CDC42BPB: variants seen among roughly 807,000 people sequenced by gnomAD.
The protein encoded by CDC42BPB is CDC42 binding protein kinase beta, also known as serine/threonine-protein kinase MRCK beta.
CDC42BPB carries 37 observed loss-of-function variants against 214.9 expected under a neutral mutation model. That is an observed-to-expected ratio of 0.17 (90% CI 0.13 to 0.23). The LOEUF (loss-of-function observed/expected upper bound fraction) is 0.23, where lower values mean the gene tolerates loss of function less well. Ranked by LOEUF, CDC42BPB falls within the 10% of genes least tolerant of loss-of-function variation. The pLI, the probability that CDC42BPB is intolerant of heterozygous loss-of-function variation, is 1.00. For synonymous variants in CDC42BPB, 931 were observed against 884.0 expected (o/e 1.05, Z -0.94); for missense variants, 1,694 against 2,227.0 (o/e 0.76, Z 4.82).
intron 1 of CDC42BPB, among the ~76,000 whole-genome samples, chr14:103,052,572 G>A (rs1275120111): frequency 6.6e-6 from 1 of 152,180 alleles, no homozygotes; most frequent in African/African-American, 2.4e-5. Flanking sequence ...CATCCATGGA[G>A]GAGGACCGTG....
Position 103,043,594 on chromosome 14 carries a change from C to T in CDC42BPB, c.175+13405G>A, listed in dbSNP as rs182854978. 5.3e-5 allele frequency among the ~76,000 whole-genome samples: 8 copies of T among 151,584 alleles called. No homozygotes were observed. In the East Asian group the frequency reaches 1.2e-3, roughly 22 times the overall value. ...TGGCGAAGATGGTTGCATGACTCGA[C>T]GAATATACTAAAACACACCAACACT... On this transcript the variant is annotated intron_variant, in intron 1 of 36. Coordinates refer to ENST00000361246, the MANE Select transcript of CDC42BPB (RefSeq NM_006035.4).
intron 5 of CDC42BPB, among the ~76,000 whole-genome samples, chr14:102,992,094 A>T (rs1894519337): frequency 6.6e-6 from 1 of 152,144 alleles, no homozygotes; most frequent in Non-Finnish European, 1.5e-5. Flanking sequence ...AAAGTTCTGC[A>T]TAGCACTGTG....
chr14:102,942,298 A>C (rs1308662416), intron 30 of CDC42BPB, among the ~76,000 whole-genome samples: 1 of 152,124 alleles, frequency 6.6e-6, no homozygotes, highest in Non-Finnish European at 1.5e-5. Flanking sequence ...CCGTGGGTGG[A>C]GCTGGCCGTG....
chr14:103,009,932 A>G (rs796447011), intron 2 of CDC42BPB, among the ~76,000 whole-genome samples: 14 of 152,354 alleles, frequency 9.2e-5, no homozygotes, highest in African/African-American at 3.4e-4. Context: ...ACTTGTGCCC[A>G]GGAGTTTGAG....
Position 102,987,606 on chromosome 14 carries a change from C to A in CDC42BPB, c.597-1026G>T, listed in dbSNP as rs558785379. 4.6e-5 allele frequency among the ~76,000 whole-genome samples: 7 copies of A among 152,266 alleles called. No homozygotes were observed. In the South Asian group the frequency reaches 1.5e-3, roughly 32 times the overall value. ...CTCCCCCAGCCACATGAATCAATCT[C>A]ACACAAACATGGGCAGATGATAATT... On this transcript the variant is annotated intron_variant, in intron 5 of 36. Coordinates refer to ENST00000361246, the MANE Select transcript of CDC42BPB (RefSeq NM_006035.4).
chr14:103,013,348 G>C (rs925305530), intron 1 of CDC42BPB, among the ~76,000 whole-genome samples: 11 of 152,156 alleles, frequency 7.2e-5, no homozygotes, highest in Admixed American at 6.5e-4. Flanking sequence ...CCACCAGTCA[G>C]GCACCTTACA....
chr14:102,938,072 T>C (rs1301704602), intron 36 of CDC42BPB, 32 bp downstream of exon 36: 14 of 1,610,178 alleles, frequency 8.7e-6, no homozygotes, highest in East Asian at 4.5e-5. Flanking sequence ...TGGTGGCTCA[T>C]AGCCTCAGCA....
intron 25 of CDC42BPB, 87 bp downstream of exon 25, chr14:102,950,379 G>T (rs902421016): frequency 6.6e-7 from 1 of 1,523,748 alleles, no homozygotes. Context: ...CGCAGCAAGG[G>T]GCTGCTTTCA....
chr14:102,969,151 T>C (rs1893358555), intron 14 of CDC42BPB, among the ~76,000 whole-genome samples: 1 of 152,182 alleles, frequency 6.6e-6, no homozygotes, highest in Non-Finnish European at 1.5e-5. Flanking sequence ...CCAGGATGGC[T>C]GGGGCGGCTT....
At position 102,938,463 on chromosome 14, in the gene CDC42BPB, C is replaced by T. The variant is rs778712586; in HGVS notation, c.4828-52G>A. ...ATGCTTGGTTGACACCCGGCAGGGC[C>T]GGCTGCGAAGTTTGTGCAACCTACG... On this transcript the variant is annotated intron_variant, in intron 34 of 36. Transcript: ENST00000361246. 2.1e-5 allele frequency: 32 copies of T among 1,503,382 alleles called. 1 individual carries two copies. The highest frequency in any genetic ancestry group is 9.3e-5 in the Admixed American group (4 of 43,052). The allele number at this position is 1,503,382 out of a possible 1,614,324, so 93.1% of individuals were successfully genotyped here. A position where few individuals can be genotyped will look rare whatever the true frequency, so the allele number is the denominator to read the frequency against.
chr14:103,053,526 C>T (rs1334792478), intron 1 of CDC42BPB, among the ~76,000 whole-genome samples: 2 of 151,730 alleles, frequency 1.3e-5, no homozygotes, highest in African/African-American at 2.4e-5. Flanking sequence ...CTTTGGGAGG[C>T]CAAGGGGGGC....
chr14:103,051,340 A>G (rs1888595309), intron 1 of CDC42BPB, among the ~76,000 whole-genome samples: 1 of 152,094 alleles, frequency 6.6e-6, no homozygotes, highest in Non-Finnish European at 1.5e-5. Flanking sequence ...TAAGAAAAAA[A>G]CAAACGTGGT....
chr14:103,037,656 C>T (rs920142305), intron 1 of CDC42BPB, among the ~76,000 whole-genome samples: 1 of 152,212 alleles, frequency 6.6e-6, no homozygotes, highest in Non-Finnish European at 1.5e-5. Flanking sequence ...AACTGCCCTC[C>T]AAGGACGGGC....
In CDC42BPB at chr14:102,975,756, T is replaced by C. The variant is rs1893709744; in HGVS notation, c.1435A>G (p.Ser479Gly). ...ATTTCTTTATCTCGGTTTGAATTGC[T>C]GAGGGCCCGAGATGAGCCGTGGAGG... ...QSLHGSSRAL[S>G]NSNRDKEIKK... Residue 479 changes from serine to glycine, a missense_variant, in exon 11 of 37, where the codon AGC becomes GGC. Transcript: ENST00000361246. The C allele has an allele frequency of 6.2e-7, 1 of 1,614,186 alleles. No individual in the cohort carries two copies. The highest frequency in any genetic ancestry group is 1.3e-5 in the African/African-American group (1 of 75,062).
Position 103,003,843 on chromosome 14 carries a change from A to C in CDC42BPB, c.447+85T>G. The C allele has an allele frequency of 3.6e-6, 4 of 1,101,270 alleles. No homozygotes were observed. The South Asian group carries it at 6.0e-5, about 17-fold the overall frequency. 68.2% of individuals were successfully genotyped at this position (1,101,270 alleles called of 1,614,324 possible). On this transcript the variant is annotated intron_variant, in intron 4 of 36. Transcript: ENST00000361246. ...CACATTTTTTAAATGTCAGTTCCACATTGTCTGACTGAATTTTTAGTGACA... is the reference window on the plus strand; with the variant it reads ...CACATTTTTTAAATGTCAGTTCCACCTTGTCTGACTGAATTTTTAGTGACA...
chr14:103,056,777 G>C (rs537677249), intron 1 of CDC42BPB, among the ~76,000 whole-genome samples: 2 of 152,132 alleles, frequency 1.3e-5, no homozygotes, highest in South Asian at 2.1e-4. Context: ...GGCAAGGAGG[G>C]ATGAAAAGCT....
chr14:103,035,060 CT>C (rs112137178), intron 1 of CDC42BPB, among the ~76,000 whole-genome samples: 5,877 of 145,896 alleles, frequency 0.04, 150 homozygotes, highest in South Asian at 0.066. Flanking sequence ...TAATTCTATA[CT>C]TTTTTTTTTT....
In CDC42BPB at chr14:103,057,043, G is replaced by A. The variant is rs1384767070; in HGVS notation, c.131C>T (p.Ser44Leu). 2.2e-5 allele frequency: 34 copies of A among 1,519,000 alleles called. No homozygotes were observed. Among genetic ancestry groups the A allele is most frequent in the Non-Finnish European group, 2.9e-5 (33 of 1,138,590 alleles). The allele number at this position is 1,519,000 out of a possible 1,614,324, so 94.1% of individuals were successfully genotyped here. The change falls in exon 1 of 37, where the codon TCG becomes TTG. Residue 44 changes from serine to leucine, a missense_variant. Coordinates refer to ENST00000361246, the MANE Select transcript of CDC42BPB (RefSeq NM_006035.4). ...LVCLYTECSHSALRRDKYVAE... is the reference protein window; with the variant it reads ...LVCLYTECSHLALRRDKYVAE... The stretch of plus-strand genomic sequence containing the variant: ...CACGTACTTGTCGCGGCGCAGGGCC[G>A]AGTGGCTGCACTCGGTGTACAGGCA...
chr14:102,987,314 T>C (rs947224289), intron 5 of CDC42BPB, among the ~76,000 whole-genome samples: 1 of 152,228 alleles, frequency 6.6e-6, no homozygotes, highest in Non-Finnish European at 1.5e-5. Flanking sequence ...CTCAAACACA[T>C]GTGCGGGTGC....
Sources: allele counts gnomAD v4.1 joint callset (sites outside exome capture counted in the v4.1 genomes callset), GRCh38; gene constraint gnomAD v4.1.1; transcripts MANE v1.5; gene names NCBI Gene and HGNC (gene_info 2026-07-23, HGNC 2026-07-21).